ZXDC: variants seen among roughly 807,000 people sequenced by gnomAD.
ZXDC encodes the protein ZXD family zinc finger C, also known as zinc finger protein ZXDC.
ZXDC carries 58 observed loss-of-function variants against 63.6 expected under a neutral mutation model. The observed-to-expected ratio is 0.91, with a 90% CI of 0.74 to 1.13. ZXDC has a LOEUF of 1.13. Ranked by LOEUF, ZXDC falls within the 50% of genes most tolerant of loss-of-function variation. ZXDC has a pLI of 0.00. For missense variants in ZXDC, 1,133 were observed against 1,148.9 expected (o/e 0.99, Z 0.20); for synonymous variants, 561 against 496.1 (o/e 1.13, Z -1.74).
At chr3:126,440,519 G>A (rs1190770944) in intron 8 of ZXDC, 25 of 985,588 alleles carry the variant, frequency 2.5e-5, no homozygotes, top group Non-Finnish European at 3.0e-5. Flanking sequence ...ACTTGCTCCT[G>A]TTCTGCCGGT....
At chr3:126,472,419 T>C in intron 1 of ZXDC, 114 bp from the exon 2 acceptor site, 1 of 1,325,714 alleles carries the variant, frequency 7.5e-7, no homozygotes, top group Non-Finnish European at 1.0e-6. Flanking sequence ...AGGGAAAACA[T>C]GACTCAGAAG....
At position 126,475,615 on chromosome 3, in the gene ZXDC, C is replaced by T; in HGVS notation, c.251G>A (p.Gly84Asp). ...TCCGGCAGCCTCGGCGGCAGCGCCG[C>T]CGTGCGGCACTTCCAGCAGCACCAA... ...SFLVLLEVPH[G>D]GAAAEAAGSQ... Residue 84 changes from glycine (G) to aspartate (D), a missense_variant, in exon 1 of 10, where the codon GGC (glycine) becomes GAC (aspartate). Transcript: ENST00000389709. The T allele has an allele frequency of 1.4e-6, 2 of 1,473,054 alleles. No homozygotes were observed. Among genetic ancestry groups the T allele is most frequent in the South Asian group, 2.5e-5 (2 of 80,852 alleles). 91.2% of individuals were successfully genotyped at this position (1,473,054 alleles called of 1,614,324 possible). A position where few individuals can be genotyped will look rare whatever the true frequency, so the allele number is the denominator to read the frequency against.
chr3:126,474,205 C>G (rs907196219), intron 1 of ZXDC, among the ~76,000 whole-genome samples: 1 of 152,046 alleles, frequency 6.6e-6, no homozygotes, highest in Non-Finnish European at 1.5e-5. Flanking sequence ...GCTGGGACTA[C>G]AGGCGCCCGC....
intron 8 of ZXDC, chr3:126,440,887 C>T: frequency 3.0e-6 from 3 of 985,744 alleles, no homozygotes; most frequent in Non-Finnish European, 3.6e-6. Context: ...CGAGACTCTC[C>T]CAGGACTCTG....
chr3:126,472,277 A>G lies in ZXDC; in HGVS notation c.936T>C (p.Ser312=), dbSNP rs760828794. Residue 312 remains serine, a synonymous_variant, in exon 2 of 10, where the codon AGT becomes AGC. Coordinates refer to ENST00000389709, the MANE Select transcript of ZXDC (RefSeq NM_025112.5). The part of the protein sequence containing the change: ...PGCEKTFITV[S]ALFSHNRAHF... Reference sequence around the variant, plus strand: ...GGGCTCGGTTATGGGAAAACAGGGCACTCACTGTGATAAATGTCTTCTCAC... The same window carrying G: ...GGGCTCGGTTATGGGAAAACAGGGCGCTCACTGTGATAAATGTCTTCTCAC... The G allele has an allele frequency of 6.2e-6, 10 of 1,611,832 alleles. No homozygotes were observed. Among genetic ancestry groups the G allele is most frequent in the South Asian group, 5.5e-5 (5 of 90,992 alleles).
intron 8 of ZXDC, chr3:126,441,195 G>A: frequency 1.0e-6 from 1 of 985,816 alleles, no homozygotes; most frequent in Non-Finnish European, 1.2e-6. Context: ...ACTGGCCACA[G>A]CTGCAGGTAT....
Position 126,453,082 on chromosome 3 carries a change from G to A in ZXDC, c.2212+6571C>T, listed in dbSNP as rs1053315642. 4 of 985,266 alleles carry A rather than the reference G, an allele frequency of 4.1e-6. No individual in the cohort carries two copies. The African/African-American group carries it at 7.0e-5, about 17-fold the overall frequency. 61.0% of individuals were successfully genotyped at this position (985,266 alleles called of 1,614,324 possible). The stretch of plus-strand genomic sequence containing the variant: ...AGCTTCTGTTTTCCACAGAGCTTTG[G>A]AGCAGCATTTACTGCACAAATTCCA... On this transcript the variant is annotated intron_variant, in intron 7 of 9. Transcript: ENST00000389709.
At chr3:126,458,806 T>G (rs1459688365) in intron 7 of ZXDC, 1 of 985,310 alleles carries the variant, frequency 1.0e-6, no homozygotes. Flanking sequence ...CAAGTTCCAT[T>G]CTGGTACTTT....
Position 126,470,878 on chromosome 3 carries a change from A to T in ZXDC, c.1270+17T>A, listed in dbSNP as rs1254836954. The T allele has an allele frequency of 1.2e-6, 2 of 1,613,668 alleles. No individual in the cohort carries two copies. Among genetic ancestry groups the T allele is most frequent in the Admixed American group, 3.3e-5 (2 of 59,958 alleles). On this transcript the variant is annotated intron_variant, in intron 4 of 9. Coordinates refer to ENST00000389709, the MANE Select transcript of ZXDC (RefSeq NM_025112.5). ...TTGCACTTAGTTTACTGCTCAAAGCAATGTTTTAAAATCTACCTTCCACAG... is the reference window on the plus strand; with the variant it reads ...TTGCACTTAGTTTACTGCTCAAAGCTATGTTTTAAAATCTACCTTCCACAG...
intron 7 of ZXDC, chr3:126,451,579 C>T (rs569518633): frequency 1.0e-6 from 1 of 985,458 alleles, no homozygotes; most frequent in Non-Finnish European, 1.2e-6. Context: ...TGAGAAAGCA[C>T]AAGGACGCGC....
At position 126,439,621 on chromosome 3, in the gene ZXDC, G is replaced by A; in HGVS notation, c.2490+11C>T. On this transcript the variant is annotated intron_variant, in intron 9 of 9. Coordinates refer to ENST00000389709, the MANE Select transcript of ZXDC (RefSeq NM_025112.5). ...CAATAAGAAAAACAAAGGGCAGTAA[G>A]GCATCCAGACCTGGAGGACGTAGAC... The A allele has an allele frequency of 6.4e-7, 1 of 1,552,210 alleles. No homozygotes were observed. The highest frequency in any genetic ancestry group is 1.2e-5 in the South Asian group (1 of 84,078).
At chr3:126,463,380 T>G (rs1934635711) in intron 5 of ZXDC, among the ~76,000 whole-genome samples, 1 of 152,212 alleles carries the variant, frequency 6.6e-6, no homozygotes, top group African/African-American at 2.4e-5. Flanking sequence ...ATGTCATGAT[T>G]CTAACAGGCC....
At chr3:126,474,870 G>C in intron 1 of ZXDC, 89 bp downstream of exon 1, 1 of 1,415,110 alleles carries the variant, frequency 7.1e-7, no homozygotes, top group Non-Finnish European at 9.4e-7. Context: ...GCTTGCTAAG[G>C]TCTGGCAGGC....
chr3:126,473,547 T>C (rs148143643), intron 1 of ZXDC, among the ~76,000 whole-genome samples: 1 of 152,288 alleles, frequency 6.6e-6, no homozygotes, highest in Non-Finnish European at 1.5e-5. Flanking sequence ...ATACACAGAA[T>C]GATACTCTTT....
chr3:126,463,237 T>C (rs1458010978), intron 5 of ZXDC, among the ~76,000 whole-genome samples: 1 of 151,876 alleles, frequency 6.6e-6, no homozygotes, highest in African/African-American at 2.4e-5. Context: ...CCCGGCTAAT[T>C]TTTTTGTGTT....
intron 7 of ZXDC, chr3:126,451,367 C>T (rs929983412): frequency 2.0e-6 from 2 of 985,416 alleles, no homozygotes; most frequent in Non-Finnish European, 1.2e-6. Flanking sequence ...TTCTTCTGGA[C>T]ATTTGAGTTA....
intron 5 of ZXDC, among the ~76,000 whole-genome samples, chr3:126,463,250 T>C (rs1472697752): frequency 1.3e-5 from 2 of 152,080 alleles, no homozygotes; most frequent in African/African-American, 4.8e-5. Flanking sequence ...TTTGTGTTTT[T>C]AGTAGAGACG....
intron 7 of ZXDC, among the ~76,000 whole-genome samples, chr3:126,458,232 C>T (rs1934385948): frequency 8.3e-6 from 1 of 120,014 alleles, no homozygotes; most frequent in African/African-American, 3.2e-5. Context: ...TTTTTAATGT[C>T]CTTACTTTTT....
At chr3:126,460,574 T>A in intron 6 of ZXDC, 1 of 985,466 alleles carries the variant, frequency 1.0e-6, no homozygotes, top group Non-Finnish European at 1.2e-6. Flanking sequence ...AGGGACTGAC[T>A]GAGCACTTGT....
Sources: allele counts gnomAD v4.1 joint callset (sites outside exome capture counted in the v4.1 genomes callset), GRCh38; gene constraint gnomAD v4.1.1; transcripts MANE v1.5; gene names NCBI Gene and HGNC (gene_info 2026-07-23, HGNC 2026-07-21).